Variants in ARHGEF4 observed in about 807,000 individuals in gnomAD.
ARHGEF4 encodes APC-stimulated guanine nucleotide exchange factor 1.
In ARHGEF4, 119 loss-of-function variants were observed where a neutral mutation model predicts 162.0. The ratio of observed to expected loss-of-function variants is 0.73; its 90% confidence interval spans 0.63 to 0.86. The LOEUF is 0.86. ARHGEF4 is among the 40% of genes least tolerant of loss of function. ARHGEF4 has a pLI of 0.00. For synonymous variants in ARHGEF4, 1,014 were observed against 979.9 expected, an observed-to-expected ratio of 1.03 and a Z score of -0.65; for missense variants, 2,488 against 2,456.0, an observed-to-expected ratio of 1.01 and a Z score of -0.28.
intron 1 of ARHGEF4, among the ~76,000 whole-genome samples, chr2:130,893,117 C>T (rs1644655125): frequency 6.6e-6 from 1 of 152,256 alleles, no homozygotes. Flanking sequence ...TCCCAGGACA[C>T]CGTCCACCTG....
chr2:130,956,546 A>G (rs975510811), intron 4 of ARHGEF4, among the ~76,000 whole-genome samples: 4 of 150,264 alleles, frequency 2.7e-5, no homozygotes, highest in African/African-American at 9.8e-5. Context: ...CACTATTCAC[A>G]ATAGCAAAGA....
At chr2:130,957,847 C>T (rs1409874663) in intron 4 of ARHGEF4, among the ~76,000 whole-genome samples, 2 of 152,018 alleles carry the variant, frequency 1.3e-5, no homozygotes, top group Non-Finnish European at 2.9e-5. Context: ...CAGGCTGGCA[C>T]CCTGATATCA....
At chr2:130,940,703 C>A (rs112657422) in intron 3 of ARHGEF4, among the ~76,000 whole-genome samples, 1 of 147,942 alleles carries the variant, frequency 6.8e-6, no homozygotes, top group South Asian at 2.2e-4. Flanking sequence ...TGGTGGCGGG[C>A]GCCTGTAGTC....
At chr2:130,945,775 T>C (rs1440702862) in intron 3 of ARHGEF4, among the ~76,000 whole-genome samples, 1 of 152,180 alleles carries the variant, frequency 6.6e-6, no homozygotes, top group African/African-American at 2.4e-5. Flanking sequence ...TTTTTAGTTG[T>C]GTTCAAATGG....
intron 1 of ARHGEF4, among the ~76,000 whole-genome samples, chr2:130,886,544 G>A (rs1679533703): frequency 6.6e-6 from 1 of 151,808 alleles, no homozygotes; most frequent in Admixed American, 6.6e-5. Flanking sequence ...AGCCAGGCAT[G>A]GTGGCGGGCA....
intron 4 of ARHGEF4, among the ~76,000 whole-genome samples, chr2:131,026,889 A>T (rs1197633408): frequency 2.6e-5 from 4 of 152,136 alleles, no homozygotes; most frequent in African/African-American, 9.7e-5. Context: ...AGGGGTGGTG[A>T]TTTTCCCCAA....
At chr2:130,853,490 C>T (rs2104891065) in intron 1 of ARHGEF4, among the ~76,000 whole-genome samples, 1 of 152,302 alleles carries the variant, frequency 6.6e-6, no homozygotes, top group Middle Eastern at 3.4e-3. Flanking sequence ...AGCACACGGC[C>T]AGTCTTCACC....
At position 131,046,858 on chromosome 2, in the gene ARHGEF4, G is replaced by C. The variant is rs940700053; in HGVS notation, c.*669G>C. On this transcript the variant is annotated 3_prime_UTR_variant, in exon 14 of 14. Transcript: ENST00000409359. ...GTCGGCTGCATACTCCCAGTCGGGA[G>C]TGTGGTCAGTCTGCCTGCTGCTGTG... 3 of 152,694 alleles carry C rather than the reference G, an allele frequency of 2.0e-5. No homozygotes were observed. Among genetic ancestry groups the C allele is most frequent in the Admixed American group, 2.0e-4 (3 of 15,286 alleles). 9.5% of individuals were successfully genotyped at this position (152,694 alleles called of 1,614,324 possible).
At chr2:130,905,394 T>C (rs1241623173) in intron 1 of ARHGEF4, among the ~76,000 whole-genome samples, 1 of 152,218 alleles carries the variant, frequency 6.6e-6, no homozygotes, top group East Asian at 1.9e-4. Context: ...CAAGTGAAAT[T>C]ACGTAGTCAG....
chr2:130,883,508 C>T (rs927192793), intron 1 of ARHGEF4, among the ~76,000 whole-genome samples: 2 of 152,140 alleles, frequency 1.3e-5, no homozygotes, highest in African/African-American at 4.8e-5. Context: ...TCTTTTCCTT[C>T]CCTTCCCCAC....
chr2:131,024,388 G>T (rs1365268077), intron 4 of ARHGEF4, among the ~76,000 whole-genome samples: 1 of 145,156 alleles, frequency 6.9e-6, no homozygotes, highest in Non-Finnish European at 1.5e-5. Context: ...CAGTTCTCCT[G>T]CCTCAGCCTC....
At chr2:130,918,615 A>G (rs760021316) in intron 2 of ARHGEF4, among the ~76,000 whole-genome samples, 42 of 152,136 alleles carry the variant, frequency 2.8e-4, no homozygotes, top group Non-Finnish European at 2.5e-4. Flanking sequence ...CGCAGCTGGG[A>G]GGGCGGCAGA....
At chr2:130,990,829 T>C (rs945446569) in intron 4 of ARHGEF4, among the ~76,000 whole-genome samples, 3 of 152,048 alleles carry the variant, frequency 2.0e-5, no homozygotes, top group African/African-American at 4.8e-5. Context: ...CCCTTAATTC[T>C]TACTATCTTT....
intron 4 of ARHGEF4, among the ~76,000 whole-genome samples, chr2:130,982,427 A>G (rs1433710711): frequency 2.0e-5 from 3 of 152,034 alleles, no homozygotes; most frequent in East Asian, 1.9e-4. Context: ...TCAACTTTCT[A>G]TTTTGTCTGT....
rs1353153762 is a variant in ARHGEF4 at position 130,894,755 on chromosome 2, T to C, written c.40-19231T>C. 2.0e-5 allele frequency among the ~76,000 whole-genome samples: 3 copies of C among 152,128 alleles called. No homozygotes were observed. The East Asian group carries it at 5.8e-4, about 29-fold the overall frequency. The stretch of plus-strand genomic sequence containing the variant: ...TCTTCCTCTGTCCCTGGTCTGTGGC[T>C]CCTGTCATGGCCTCTCCTCCTGTGG... On this transcript the variant is annotated intron_variant, in intron 1 of 13. Transcript: ENST00000409359.
At chr2:130,926,152 C>G (rs1247629830) in intron 2 of ARHGEF4, among the ~76,000 whole-genome samples, 3 of 151,302 alleles carry the variant, frequency 2.0e-5, no homozygotes, top group East Asian at 1.9e-4. Flanking sequence ...TCCTCTTATC[C>G]TCTCCATTCT....
Position 130,916,845 on chromosome 2 carries a change from C to T in ARHGEF4, c.2899C>T (p.Pro967Ser), listed in dbSNP as rs891895186. ...KSKDAGSPKK[P>S]TLVSLPLGPE... ...CAAAGATGCCGGAAGCCCCAAAAAG[C>T]CCACCCTAGTGAGTCTGCCTCTAGG... Residue 967 changes from proline (P) to serine (S), a missense_variant, in exon 2 of 14, where the codon CCC becomes TCC. This residue lies in a region of ARHGEF4 where 1,642 missense variants were observed against 1,481.5 expected (regional missense o/e 1.11). Transcript: ENST00000409359. The T allele has an allele frequency of 1.9e-6, 3 of 1,550,322 alleles. No homozygotes were observed. Among genetic ancestry groups the T allele is most frequent in the Non-Finnish European group, 2.6e-6 (3 of 1,146,982 alleles).
intron 1 of ARHGEF4, among the ~76,000 whole-genome samples, chr2:130,874,244 A>T (rs1317135925): frequency 6.6e-6 from 1 of 152,132 alleles, no homozygotes; most frequent in Non-Finnish European, 1.5e-5. Context: ...CAGTAGACAA[A>T]CTACAAGGCG....
intron 4 of ARHGEF4, among the ~76,000 whole-genome samples, chr2:130,986,523 TCAGCAG>T (rs1439179557): frequency 6.6e-6 from 1 of 152,172 alleles, no homozygotes; most frequent in Non-Finnish European, 1.5e-5. Flanking sequence ...GCTGGGGCCT[TCAGCAG>T]GGAAGAGGCC....
Sources: gnomAD v4.1 joint callset for allele counts (sites outside exome capture counted in the v4.1 genomes callset) on GRCh38, gnomAD v4.1.1 for gene constraint, gnomAD v4.1.1 regional missense constraint, MANE v1.5 for transcripts, NCBI Gene and HGNC (gene_info 2026-07-23, HGNC 2026-07-21) for gene names.